The following ZFR variants were observed in gnomAD, a reference collection of about 807,000 sequenced individuals.
ZFR encodes zinc finger RNA-binding protein.
A neutral mutation model predicts 130.7 loss-of-function variants in ZFR; 19 were observed. The ratio of observed to expected loss-of-function variants is 0.15; its 90% CI spans 0.10 to 0.21. ZFR has a LOEUF of 0.21. Among genes scored for constraint, ZFR ranks in the 10% least tolerant of loss-of-function variants. ZFR has a pLI of 1.00. For synonymous variants in ZFR, 466 were observed against 456.9 expected, an observed-to-expected ratio of 1.02 and a Z score of -0.25; for missense variants, 872 against 1,321.5, an observed-to-expected ratio of 0.66 and a Z score of 5.27.
intron 2 of ZFR, among the ~76,000 whole-genome samples, chr5:32,429,479 G>C (rs940055480): frequency 1.3e-5 from 2 of 152,120 alleles, no homozygotes; most frequent in African/African-American, 2.4e-5. Context: ...ACAGTTCTTA[G>C]GCACAAGACA....
In ZFR at chr5:32,363,995, C is replaced by T. The variant is rs773771441; in HGVS notation, c.2998G>A (p.Ala1000Thr). 2 of 1,613,944 alleles carry T rather than the reference C, an allele frequency of 1.2e-6. No homozygotes were observed. Among genetic ancestry groups the T allele is most frequent in the African/African-American group, 2.7e-5 (2 of 74,894 alleles). The change falls in exon 19 of 20, where the codon GCA (alanine) becomes ACA (threonine). Residue 1000 changes from alanine to threonine, a missense_variant. Ala to Thr is a moderately conservative substitution (Grantham distance 58, BLOSUM62 0). Transcript: ENST00000265069. ...PCEKDPFDTL[A>T]TMTDQQREDI... ...TCACGCTGCTGGTCAGTCATTGTTGCCAAGGTATCAAAGGGATCCTTTTCA... is the reference window on the plus strand; with the variant it reads ...TCACGCTGCTGGTCAGTCATTGTTGTCAAGGTATCAAAGGGATCCTTTTCA...
At chr5:32,426,904 G>A (rs368231903) in intron 2 of ZFR, among the ~76,000 whole-genome samples, 54 of 132,954 alleles carry the variant, frequency 4.1e-4, no homozygotes, top group South Asian at 1.5e-3. Flanking sequence ...CACTCTTTCT[G>A]AAAAAAAAAA....
intron 11 of ZFR, among the ~76,000 whole-genome samples, chr5:32,391,331 C>A (rs1753170085): frequency 6.6e-6 from 1 of 152,150 alleles, no homozygotes; most frequent in South Asian, 2.1e-4. Context: ...TGTAACGTAA[C>A]CCCCTTGGAC....
At chr5:32,434,099 C>T (rs1272614297) in intron 2 of ZFR, among the ~76,000 whole-genome samples, 1 of 152,230 alleles carries the variant, frequency 6.6e-6, no homozygotes, top group East Asian at 1.9e-4. Context: ...TGAAAGAATT[C>T]TGCCAAGTAT....
chr5:32,371,135 C>T (rs1056286298), intron 17 of ZFR, among the ~76,000 whole-genome samples: 3 of 152,196 alleles, frequency 2.0e-5, no homozygotes, highest in Middle Eastern at 6.8e-3. Context: ...TTCGGAAGAC[C>T]GTGGCAAGAG....
At chr5:32,429,207 C>T (rs1055938629) in intron 2 of ZFR, among the ~76,000 whole-genome samples, 2 of 152,026 alleles carry the variant, frequency 1.3e-5, no homozygotes, top group East Asian at 1.9e-4. Context: ...AGGATGGTCT[C>T]GATCTCCTGA....
At chr5:32,406,627 A>C (rs1753584587) in intron 6 of ZFR, 147 bp downstream of exon 6, 4 of 1,113,158 alleles carry the variant, frequency 3.6e-6, no homozygotes, top group Admixed American at 7.6e-5. Flanking sequence ...GAAAATTCTC[A>C]TGCCACAATA....
intron 5 of ZFR, among the ~76,000 whole-genome samples, chr5:32,408,374 T>G (rs560604380): frequency 3.3e-4 from 50 of 151,960 alleles, no homozygotes; most frequent in Non-Finnish European, 6.3e-4. Flanking sequence ...TTGGCCTCTG[T>G]TGTCCTTATT....
At chr5:32,377,210 C>T (rs1752839933) in intron 17 of ZFR, among the ~76,000 whole-genome samples, 1 of 134,052 alleles carries the variant, frequency 7.5e-6, no homozygotes, top group Non-Finnish European at 1.7e-5. Context: ...TTCTTTATTT[C>T]TCTTTCTCTC....
chr5:32,444,537 A>T (rs2111889520), intron 1 of ZFR, 85 bp downstream of exon 1: 1 of 1,406,284 alleles, frequency 7.1e-7, no homozygotes, highest in Admixed American at 3.8e-5. Context: ...TCCTCCCCGG[A>T]GCCTGCCCCA....
intron 2 of ZFR, among the ~76,000 whole-genome samples, chr5:32,441,099 G>A (rs1055464214): frequency 6.6e-6 from 1 of 152,132 alleles, no homozygotes; most frequent in African/African-American, 2.4e-5. Flanking sequence ...TCAGCCTCCA[G>A]AGTAGCTGGG....
chr5:32,362,167 A>G (rs1752449042), intron 19 of ZFR, among the ~76,000 whole-genome samples: 3 of 152,212 alleles, frequency 2.0e-5, no homozygotes, highest in African/African-American at 7.2e-5. Flanking sequence ...ATCGAGGATT[A>G]AAGGTTTATT....
At chr5:32,377,085 G>A (rs1394675243) in intron 17 of ZFR, among the ~76,000 whole-genome samples, 6 of 151,050 alleles carry the variant, frequency 4.0e-5, no homozygotes, top group Non-Finnish European at 8.9e-5. Flanking sequence ...GAACCTGGGA[G>A]GCGGAGCTTG....
intron 6 of ZFR, among the ~76,000 whole-genome samples, chr5:32,406,464 A>C (rs1305346897): frequency 6.6e-6 from 1 of 152,196 alleles, no homozygotes; most frequent in East Asian, 1.9e-4. Flanking sequence ...ACGAAATAAA[A>C]ATTCAATCTT....
intron 16 of ZFR, chr5:32,379,421 A>T: frequency 1.8e-6 from 1 of 558,618 alleles, no homozygotes; most frequent in Non-Finnish European, 3.2e-6. Context: ...CAAAGTAAAC[A>T]GATTATACAA....
Position 32,378,933 on chromosome 5 carries a change from TTTAA to T in ZFR, c.2835+178_2835+181del, listed in dbSNP as rs1351126857. ...CAAAGAGAAACATCAATGAAAATTC[TTTAA>T]TTAGTCACATCTGAGAAAATTAAAC... On this transcript the variant is annotated intron_variant, in intron 17 of 19. Transcript: ENST00000265069. Among the ~76,000 whole-genome samples, 8 of 152,080 alleles carry T rather than the reference TTTAA, an allele frequency of 5.3e-5. No homozygotes were observed. The South Asian group carries it at 6.2e-4, about 12-fold the overall frequency.
chr5:32,403,519 T>C (rs1753514496), intron 7 of ZFR, 122 bp from the exon 8 acceptor site: 2 of 1,248,456 alleles, frequency 1.6e-6, no homozygotes, highest in Non-Finnish European at 1.1e-6. Context: ...TTCTGCTATA[T>C]GTTTTTGTAT....
intron 17 of ZFR, among the ~76,000 whole-genome samples, chr5:32,376,601 CTG>C (rs1392574675): frequency 1.4e-5 from 2 of 145,410 alleles, no homozygotes; most frequent in African/African-American, 5.1e-5. Context: ...GAGCGAGACT[CTG>C]TGTCAAAAAA....
chr5:32,365,923 T>C (rs1306745544), intron 17 of ZFR, among the ~76,000 whole-genome samples: 2 of 152,114 alleles, frequency 1.3e-5, no homozygotes, highest in East Asian at 1.9e-4. Context: ...TTTTTACGGA[T>C]TTTCATTTTA....
Sources: gnomAD v4.1 joint callset for allele counts (sites outside exome capture counted in the v4.1 genomes callset) on GRCh38, gnomAD v4.1.1 for gene constraint, MANE v1.5 for transcripts, NCBI Gene and HGNC (gene_info 2026-07-23, HGNC 2026-07-21) for gene names.